The following NRG3 variants were observed in gnomAD, a reference collection of about 807,000 sequenced individuals.
The protein encoded by NRG3 is pro-neuregulin-3, membrane-bound isoform.
In NRG3, 31 loss-of-function variants were observed where a neutral mutation model predicts 66.9. The ratio of observed to expected loss-of-function variants is 0.46; its 90% CI spans 0.35 to 0.63. The LOEUF (loss-of-function observed/expected upper bound fraction) is 0.63. Among genes scored for constraint, NRG3 ranks in the 20% least tolerant of loss-of-function variants. The probability of loss-of-function intolerance (pLI) is 0.00; values close to 1 mark genes in which losing one functional copy is unlikely to be tolerated. For missense variants in NRG3, 910 were observed against 878.9 expected (o/e 1.04, Z -0.45); for synonymous variants, 393 against 359.4 (o/e 1.09, Z -1.06).
intron 2 of NRG3, among the ~76,000 whole-genome samples, chr10:82,378,804 C>T (rs1251727193): frequency 1.3e-5 from 2 of 152,044 alleles, no homozygotes; most frequent in Non-Finnish European, 2.9e-5. Flanking sequence ...CTCCAGACCT[C>T]AGGTGATCCA....
At chr10:82,901,023 T>A (rs1342737725) in intron 4 of NRG3, among the ~76,000 whole-genome samples, 2 of 152,112 alleles carry the variant, frequency 1.3e-5, no homozygotes, top group Non-Finnish European at 2.9e-5. Flanking sequence ...TTTACCGAAA[T>A]TTAATAGGAG....
chr10:82,027,283 T>C (rs1022248641), intron 1 of NRG3, among the ~76,000 whole-genome samples: 1 of 152,132 alleles, frequency 6.6e-6, no homozygotes, highest in Admixed American at 6.6e-5. Flanking sequence ...TAAATGTCAG[T>C]GTTCTTCTAT....
intron 2 of NRG3, among the ~76,000 whole-genome samples, chr10:82,582,119 G>C (rs1269143012): frequency 6.6e-6 from 1 of 151,964 alleles, no homozygotes; most frequent in Non-Finnish European, 1.5e-5. Context: ...GAATGGATTT[G>C]TTTGAATATT....
intron 1 of NRG3, among the ~76,000 whole-genome samples, chr10:82,244,707 G>C (rs968088084): frequency 2.0e-5 from 3 of 151,926 alleles, no homozygotes; most frequent in African/African-American, 7.3e-5. Context: ...GGATGGTTTC[G>C]GGATAACTCA....
chr10:82,216,449 A>ATT (rs1491443416), intron 1 of NRG3, among the ~76,000 whole-genome samples: 1 of 133,234 alleles, frequency 7.5e-6, no homozygotes, highest in Non-Finnish European at 1.6e-5. Flanking sequence ...TAGAAAATAC[A>ATT]TTTTATATAT....
At chr10:82,047,358 G>A (rs907581013) in intron 1 of NRG3, among the ~76,000 whole-genome samples, 16 of 151,886 alleles carry the variant, frequency 1.1e-4, no homozygotes, top group African/African-American at 3.6e-4. Context: ...GAGAAAGGTC[G>A]GGTTACCCAC....
At chr10:82,709,655 C>T (rs184330634) in intron 2 of NRG3, among the ~76,000 whole-genome samples, 2 of 152,008 alleles carry the variant, frequency 1.3e-5, no homozygotes, top group South Asian at 2.1e-4. Flanking sequence ...CTGGAACCAG[C>T]GGCTGTTTAA....
intron 3 of NRG3, among the ~76,000 whole-genome samples, chr10:82,803,091 G>A (rs951102411): frequency 2.0e-5 from 3 of 152,098 alleles, no homozygotes; most frequent in Admixed American, 6.5e-5. Flanking sequence ...ACCGTCTGAG[G>A]CTATGTGAAT....
At position 82,298,501 on chromosome 10, in the gene NRG3, C is replaced by T. The variant is rs555125750; in HGVS notation, c.824-60238C>T. On this transcript the variant is annotated intron_variant, in intron 1 of 8. Transcript: ENST00000372141. Reference sequence around the variant, plus strand: ...AATTTTATTAAATTGCAAACAGACTCGTAAGTAGACTTTTCTTCTCTGTAC... The same window carrying T: ...AATTTTATTAAATTGCAAACAGACTTGTAAGTAGACTTTTCTTCTCTGTAC... Among the ~76,000 whole-genome samples the T allele has an allele frequency of 2.2e-4, 33 of 152,126 alleles. 1 individual carries two copies. The South Asian group carries it at 6.6e-3, about 31-fold the overall frequency.
chr10:82,453,974 G>A (rs192566515), intron 2 of NRG3, among the ~76,000 whole-genome samples: 13 of 152,264 alleles, frequency 8.5e-5, no homozygotes, highest in African/African-American at 3.1e-4. Context: ...AATTGGAACT[G>A]GAACTCAGGA....
chr10:82,647,477 G>A (rs1345237656), intron 2 of NRG3, among the ~76,000 whole-genome samples: 1 of 152,156 alleles, frequency 6.6e-6, no homozygotes, highest in Non-Finnish European at 1.5e-5. Flanking sequence ...GTGTGCATGT[G>A]TCTTTATAGC....
At chr10:82,609,790 G>A (rs544236837) in intron 2 of NRG3, among the ~76,000 whole-genome samples, 58 of 152,266 alleles carry the variant, frequency 3.8e-4, no homozygotes, top group Non-Finnish European at 6.9e-4. Context: ...AAAGAGTAAA[G>A]AAGAAAGTAA....
intron 4 of NRG3, among the ~76,000 whole-genome samples, chr10:82,870,168 C>T (rs968169742): frequency 6.6e-6 from 1 of 151,658 alleles, no homozygotes; most frequent in Non-Finnish European, 1.5e-5. Context: ...ACGCCTGGCC[C>T]CACTAGTCTT....
intron 2 of NRG3, among the ~76,000 whole-genome samples, chr10:82,656,227 G>GA (rs1415900952): frequency 6.6e-6 from 1 of 150,542 alleles, no homozygotes; most frequent in Non-Finnish European, 1.5e-5. Flanking sequence ...GCAATATATT[G>GA]AAAAATCTTT....
intron 4 of NRG3, among the ~76,000 whole-genome samples, chr10:82,898,306 C>T (rs1843859012): frequency 1.3e-5 from 2 of 152,168 alleles, no homozygotes; most frequent in African/African-American, 4.8e-5. Flanking sequence ...GGATCAATTC[C>T]TAAATCCTTC....
At chr10:81,943,347 C>T (rs1343157575) in intron 1 of NRG3, among the ~76,000 whole-genome samples, 1 of 152,126 alleles carries the variant, frequency 6.6e-6, no homozygotes, top group Non-Finnish European at 1.5e-5. Context: ...TGCCATTGCA[C>T]TCCATCCTGG....
intron 1 of NRG3, among the ~76,000 whole-genome samples, chr10:82,136,759 T>A (rs1166505516): frequency 1.3e-5 from 2 of 152,158 alleles, no homozygotes; most frequent in African/African-American, 4.8e-5. Context: ...CTGGGATGGA[T>A]GACTCCCCTC....
At chr10:81,918,669 G>A (rs1220111951) in intron 1 of NRG3, among the ~76,000 whole-genome samples, 1 of 152,000 alleles carries the variant, frequency 6.6e-6, no homozygotes, top group Admixed American at 6.6e-5. Context: ...TTTAAATTCA[G>A]TCAAAAGAAG....
chr10:82,253,657 C>G (rs907140907), intron 1 of NRG3, among the ~76,000 whole-genome samples: 77 of 152,324 alleles, frequency 5.1e-4, no homozygotes, highest in African/African-American at 1.8e-3. Flanking sequence ...GCCACTTTGC[C>G]TATTCATTCA....
Sources: gnomAD v4.1 joint callset for allele counts (sites outside exome capture counted in the v4.1 genomes callset) on GRCh38, gnomAD v4.1.1 for gene constraint, MANE v1.5 for transcripts, NCBI Gene and HGNC (gene_info 2026-07-23, HGNC 2026-07-21) for gene names.